Variants in GNAQ observed in about 807,000 individuals in gnomAD.
GNAQ encodes the protein G protein subunit alpha q.
Under a neutral mutation model 43.9 loss-of-function variants are expected in GNAQ, and 8 were observed. The observed-to-expected ratio is 0.18, with a 90% CI of 0.11 to 0.33. The LOEUF (loss-of-function observed/expected upper bound fraction) is 0.33. Ranked by LOEUF, GNAQ falls within the 10% of genes least tolerant of loss-of-function variation. GNAQ has a pLI of 1.00. For missense variants in GNAQ, 158 were observed against 450.8 expected (o/e 0.35, Z 5.88); for synonymous variants, 155 against 170.7 (o/e 0.91, Z 0.71).
chr9:77,731,244 C>T (rs921033981), intron 5 of GNAQ, among the ~76,000 whole-genome samples: 5 of 152,118 alleles, frequency 3.3e-5, no homozygotes, highest in Non-Finnish European at 7.3e-5. Flanking sequence ...GAGGGTGAGC[C>T]TGACTTTGCA....
intron 2 of GNAQ, among the ~76,000 whole-genome samples, chr9:77,870,310 T>C (rs1828015636): frequency 6.6e-6 from 1 of 151,456 alleles, no homozygotes; most frequent in South Asian, 2.1e-4. Flanking sequence ...GCTTGATGCC[T>C]TTTTTTGGTG....
intron 1 of GNAQ, among the ~76,000 whole-genome samples, chr9:78,022,333 T>C (rs1823921212): frequency 6.6e-6 from 1 of 152,134 alleles, no homozygotes; most frequent in African/African-American, 2.4e-5. Context: ...TTAGAGATCA[T>C]CTGCTGCAAT....
chr9:77,928,990 C>T (rs1029492425), intron 1 of GNAQ, among the ~76,000 whole-genome samples: 2 of 152,074 alleles, frequency 1.3e-5, no homozygotes, highest in South Asian at 2.1e-4. Flanking sequence ...TGCACTTCAT[C>T]CTGGGCAAGA....
At chr9:77,809,555 C>T (rs922632937) in intron 3 of GNAQ, among the ~76,000 whole-genome samples, 4 of 151,020 alleles carry the variant, frequency 2.6e-5, no homozygotes, top group Admixed American at 1.3e-4. Context: ...TTATCAATAA[C>T]GAAAAAGTTA....
intron 2 of GNAQ, among the ~76,000 whole-genome samples, chr9:77,889,135 C>T (rs1203051426): frequency 6.6e-6 from 1 of 151,990 alleles, no homozygotes; most frequent in Non-Finnish European, 1.5e-5. Context: ...AATCCTGAGG[C>T]TGGGCATGTT....
chr9:77,886,744 G>T (rs1268240737), intron 2 of GNAQ, among the ~76,000 whole-genome samples: 1 of 152,064 alleles, frequency 6.6e-6, no homozygotes, highest in Non-Finnish European at 1.5e-5. Context: ...ACGCTGTAAA[G>T]AAAAGCTACT....
At chr9:77,722,748 C>T (rs532678248) in intron 6 of GNAQ, among the ~76,000 whole-genome samples, 1 of 148,608 alleles carries the variant, frequency 6.7e-6, no homozygotes, top group South Asian at 2.1e-4. Flanking sequence ...CCTCAACCTT[C>T]TGGGTTCAAG....
At chr9:77,860,465 G>T (rs535598401) in intron 2 of GNAQ, among the ~76,000 whole-genome samples, 1 of 152,310 alleles carries the variant, frequency 6.6e-6, no homozygotes, top group Non-Finnish European at 1.5e-5. Context: ...GATTGAGTAG[G>T]TGAGGCGGCG....
At chr9:77,824,845 CTAT>C (rs1329768980) in intron 2 of GNAQ, among the ~76,000 whole-genome samples, 1 of 152,104 alleles carries the variant, frequency 6.6e-6, no homozygotes, top group Admixed American at 6.5e-5. Flanking sequence ...AGATTAATTG[CTAT>C]TGCTTCATTT....
intron 1 of GNAQ, among the ~76,000 whole-genome samples, chr9:77,951,089 G>GTTTTT (rs1554728249): frequency 6.5e-5 from 5 of 76,698 alleles, no homozygotes; most frequent in East Asian, 4.5e-4. Context: ...GCAGTCAAGT[G>GTTTTT]TTCTTTTTTT....
intron 2 of GNAQ, among the ~76,000 whole-genome samples, chr9:77,889,087 C>T (rs1828356948): frequency 6.6e-6 from 1 of 152,012 alleles, no homozygotes; most frequent in Non-Finnish European, 1.5e-5. Context: ...CTTAGTCATG[C>T]CATACCTACT....
At chr9:77,838,161 GAGA>G (rs1418456032) in intron 2 of GNAQ, among the ~76,000 whole-genome samples, 3 of 45,606 alleles carry the variant, frequency 6.6e-5, no homozygotes, top group African/African-American at 1.8e-4. Flanking sequence ...TTTTTTTTTT[GAGA>G]AGGAGTCTCA....
intron 2 of GNAQ, among the ~76,000 whole-genome samples, chr9:77,899,860 G>A (rs1828572275): frequency 6.6e-6 from 1 of 152,206 alleles, no homozygotes; most frequent in Admixed American, 6.5e-5. Flanking sequence ...GCTAGGTGCT[G>A]CTGATTCAGC....
intron 5 of GNAQ, among the ~76,000 whole-genome samples, chr9:77,753,513 GC>G (rs1825850519): frequency 6.6e-6 from 1 of 152,176 alleles, no homozygotes; most frequent in African/African-American, 2.4e-5. Context: ...AAGACTAAGA[GC>G]TTCTTTTTAG....
chr9:78,007,667 A>G (rs965638721), intron 1 of GNAQ, among the ~76,000 whole-genome samples: 2 of 152,226 alleles, frequency 1.3e-5, no homozygotes, highest in Admixed American at 6.5e-5. Flanking sequence ...AAATTACACA[A>G]GCAGTATACT....
chr9:77,874,887 C>T (rs1455938143), intron 2 of GNAQ, among the ~76,000 whole-genome samples: 1 of 151,964 alleles, frequency 6.6e-6, no homozygotes, highest in African/African-American at 2.4e-5. Flanking sequence ...ACCTAAAGTA[C>T]TGGGATTACA....
At chr9:77,944,036 A>G (rs1365061518) in intron 1 of GNAQ, among the ~76,000 whole-genome samples, 1 of 151,748 alleles carries the variant, frequency 6.6e-6, no homozygotes, top group East Asian at 1.9e-4. Flanking sequence ...TTAGAAGAAC[A>G]TTCAATAGTG....
At chr9:77,765,522 C>T (rs537315264) in intron 5 of GNAQ, among the ~76,000 whole-genome samples, 27 of 152,182 alleles carry the variant, frequency 1.8e-4, no homozygotes, top group African/African-American at 5.5e-4. Flanking sequence ...AAAAGCCGTT[C>T]GACAAAACTA....
intron 6 of GNAQ, among the ~76,000 whole-genome samples, chr9:77,721,956 G>C (rs899433561): frequency 6.6e-6 from 1 of 152,084 alleles, no homozygotes; most frequent in Non-Finnish European, 1.5e-5. Context: ...CCAATATTAT[G>C]GATCATTTTA....
Sources: gnomAD v4.1 joint callset for allele counts (sites outside exome capture counted in the v4.1 genomes callset) on GRCh38, gnomAD v4.1.1 for gene constraint, MANE v1.5 for transcripts, NCBI Gene and HGNC (gene_info 2026-07-23, HGNC 2026-07-21) for gene names.